KCNMA1: variants seen among roughly 807,000 people sequenced by gnomAD.
KCNMA1 encodes Calcium-activated potassium channel subunit alpha-1.
In KCNMA1, 29 loss-of-function variants were observed where a neutral mutation model predicts 140.0. That is an observed-to-expected ratio of 0.21 (90% CI 0.15 to 0.28). The LOEUF is 0.28. KCNMA1 is among the 10% of genes least tolerant of loss of function. The pLI, the probability that KCNMA1 is intolerant of heterozygous loss-of-function variation, is 1.00. For missense variants in KCNMA1, 880 were observed against 1,602.2 expected (o/e 0.55, Z 7.70); for synonymous variants, 612 against 611.9 (o/e 1.00, Z 0.00).
chr10:77,599,116 G>GATACCTTTATC (rs1471674176), intron 1 of KCNMA1, among the ~76,000 whole-genome samples: 1 of 152,230 alleles, frequency 6.6e-6, no homozygotes, highest in Non-Finnish European at 1.5e-5. Context: ...CCTTGCCCCA[G>GATACCTTTATC]TGGGCTGGAT....
downstream of KCNMA1, chr10:76,873,625 G>A (rs1481936739): frequency 6.6e-6 from 1 of 152,168 alleles, no homozygotes; most frequent in South Asian, 2.1e-4. Flanking sequence ...AACAGAAAAT[G>A]GACAGATTCT....
intron 17 of KCNMA1, 35 bp downstream of exon 17, chr10:77,018,978 G>A: frequency 1.6e-6 from 2 of 1,240,640 alleles, no homozygotes; most frequent in Non-Finnish European, 2.4e-6. Context: ...CTACAGCCGG[G>A]CCAGAAAGAA....
intron 19 of KCNMA1, 135 bp downstream of exon 19, chr10:77,001,272 T>C (rs561155122): frequency 6.3e-6 from 5 of 797,360 alleles, no homozygotes; most frequent in Non-Finnish European, 8.4e-6. Context: ...TGGGGCAACA[T>C]GTCAGCACAC....
chr10:77,394,678 T>C (rs551400917), intron 2 of KCNMA1, among the ~76,000 whole-genome samples: 107 of 152,318 alleles, frequency 7.0e-4, no homozygotes, highest in Non-Finnish European at 1.4e-3. Flanking sequence ...CAGTACTTAG[T>C]TGAGCTTGGG....
chr10:77,431,212 A>T (rs1049212451), intron 1 of KCNMA1, among the ~76,000 whole-genome samples: 5 of 152,210 alleles, frequency 3.3e-5, no homozygotes, highest in Non-Finnish European at 5.9e-5. Flanking sequence ...GTGACTGGTC[A>T]TTCAGTCTCT....
chr10:76,885,622 CT>C lies in KCNMA1; in HGVS notation c.*1643del. ...CATGTTTTCCTCCTCCCTTTTACCCCTATTCTATTCGATGGAATTCTTTGAA... is the reference window on the plus strand; with the variant it reads ...CATGTTTTCCTCCTCCCTTTTACCCCATTCTATTCGATGGAATTCTTTGAA... On this transcript the variant is annotated 3_prime_UTR_variant, in exon 28 of 28. Coordinates refer to ENST00000286628, the MANE Select transcript of KCNMA1 (RefSeq NM_001161352.2). 1.0e-6 allele frequency: 1 copy of C among 985,328 alleles called. No homozygotes were observed. Among genetic ancestry groups the C allele is most frequent in the Non-Finnish European group, 1.2e-6 (1 of 829,900 alleles). 61.0% of individuals were successfully genotyped at this position (985,328 alleles called of 1,614,324 possible). A position where few individuals can be genotyped will look rare whatever the true frequency, so the allele number is the denominator to read the frequency against.
At chr10:77,110,400 T>C in intron 7 of KCNMA1, 57 bp from the exon 8 acceptor site, 4 of 1,470,044 alleles carry the variant, frequency 2.7e-6, no homozygotes, top group South Asian at 2.3e-5. Flanking sequence ...AGTGTATACA[T>C]GCAATAAACG....
rs564599108 is a variant in KCNMA1, at chr10:77,134,007, A to T, written c.809-12959T>A. Among the ~76,000 whole-genome samples the T allele has an allele frequency of 4.9e-4, 74 of 152,322 alleles. No homozygotes were observed. The South Asian group carries it at 0.015, about 31-fold the overall frequency. On this transcript the variant is annotated intron_variant, in intron 5 of 27. Coordinates refer to ENST00000286628, the MANE Select transcript of KCNMA1 (RefSeq NM_001161352.2). ...CAGAAGAATTTTACAGACAATAAAGAGGTCATCACAAATCAAAAGGAAGAC... is the reference window on the plus strand; with the variant it reads ...CAGAAGAATTTTACAGACAATAAAGTGGTCATCACAAATCAAAAGGAAGAC...
intron 1 of KCNMA1, among the ~76,000 whole-genome samples, chr10:77,520,533 T>C (rs1567301945): frequency 6.6e-6 from 1 of 152,018 alleles, no homozygotes. Flanking sequence ...CTGCCATTGT[T>C]GTCTTTATCA....
intron 2 of KCNMA1, among the ~76,000 whole-genome samples, chr10:77,375,280 C>T (rs180998559): frequency 1.3e-5 from 2 of 152,258 alleles, no homozygotes; most frequent in African/African-American, 4.8e-5. Flanking sequence ...ATCTCAAAGG[C>T]AATTATGAAT....
In KCNMA1 at chr10:76,910,020, G is replaced by A. The variant is rs777115771; in HGVS notation, c.3093C>T (p.Pro1031=). ...DPDTELYLTQ[P]FACGTAFAVS... ...CGGCAAATGCTGTCCCACAGGCAAA[G>A]GGCTGCGTGAGGTACAGTTCTGTAT... is the stretch of plus-strand genomic sequence containing the variant. The change falls in exon 25 of 28, where the codon CCC becomes CCT. Residue 1031 remains proline, a synonymous_variant. Transcript: ENST00000286628. 2.5e-6 allele frequency: 4 copies of A among 1,613,912 alleles called. No homozygotes were observed. Among genetic ancestry groups the A allele is most frequent in the African/African-American group, 1.3e-5 (1 of 74,930 alleles).
intron 1 of KCNMA1, among the ~76,000 whole-genome samples, chr10:77,407,172 T>G (rs928520378): frequency 6.6e-6 from 1 of 152,214 alleles, no homozygotes; most frequent in East Asian, 1.9e-4. Flanking sequence ...TTAATTACCA[T>G]GTGTGGGAAG....
chr10:77,384,923 G>A (rs943618737), intron 2 of KCNMA1, among the ~76,000 whole-genome samples: 24 of 152,162 alleles, frequency 1.6e-4, no homozygotes, highest in African/African-American at 5.1e-4. Flanking sequence ...CTGGGTCATC[G>A]AGTCATGAGA....
chr10:77,561,349 G>A (rs1000736145), intron 1 of KCNMA1, among the ~76,000 whole-genome samples: 18 of 152,270 alleles, frequency 1.2e-4, no homozygotes, highest in African/African-American at 3.4e-4. Context: ...AGAATTTTGT[G>A]TGTTATTTGA....
chr10:76,928,620 T>A (rs2058441078), intron 23 of KCNMA1, among the ~76,000 whole-genome samples: 1 of 152,190 alleles, frequency 6.6e-6, no homozygotes, highest in South Asian at 2.1e-4. Context: ...TTTAATATCT[T>A]TAGGCAACTA....
chr10:77,172,707 A>AC (rs1046248693), intron 5 of KCNMA1, among the ~76,000 whole-genome samples: 4 of 151,988 alleles, frequency 2.6e-5, no homozygotes, highest in African/African-American at 9.7e-5. Context: ...AAAAACAAAA[A>AC]AAAAAAAGCT....
At chr10:77,551,648 C>A (rs2062876932) in intron 1 of KCNMA1, among the ~76,000 whole-genome samples, 1 of 152,160 alleles carries the variant, frequency 6.6e-6, no homozygotes, top group South Asian at 2.1e-4. Context: ...TTAAATATTT[C>A]TGATGAGCAC....
chr10:77,579,301 A>C (rs1293572068), intron 1 of KCNMA1, among the ~76,000 whole-genome samples: 1 of 152,202 alleles, frequency 6.6e-6, no homozygotes, highest in East Asian at 1.9e-4. Context: ...TCAGTGACAA[A>C]TGGCCACAGG....
At chr10:77,554,959 C>T (rs2063856603) in intron 1 of KCNMA1, among the ~76,000 whole-genome samples, 1 of 152,080 alleles carries the variant, frequency 6.6e-6, no homozygotes, top group South Asian at 2.1e-4. Context: ...CCTAACTTTT[C>T]TCATAATATG....
Sources: allele counts gnomAD v4.1 joint callset (sites outside exome capture counted in the v4.1 genomes callset), GRCh38; gene constraint gnomAD v4.1.1; transcripts MANE v1.5; gene names NCBI Gene and HGNC (gene_info 2026-07-23, HGNC 2026-07-21).